GBP1: variants seen among roughly 807,000 people sequenced by gnomAD.
The protein encoded by GBP1 is guanylate-binding protein 1.
GBP1 carries 64 observed loss-of-function variants against 69.5 expected under a neutral mutation model. That is an observed-to-expected ratio of 0.92 (90% CI 0.75 to 1.13). The LOEUF is 1.13. Ranked by LOEUF, GBP1 falls within the 50% of genes most tolerant of loss-of-function variation. The pLI is 0.00. For synonymous variants in GBP1, 250 were observed against 261.2 expected (o/e 0.96, Z 0.41); for missense variants, 630 against 704.1 (o/e 0.89, Z 1.19).
At position 89,056,798 on chromosome 1, in the gene GBP1, T is replaced by C. The variant is rs1680057552; in HGVS notation, c.1155+56A>G. On this transcript the variant is annotated intron_variant, in intron 7 of 10. Coordinates refer to ENST00000370473, the MANE Select transcript of GBP1 (RefSeq NM_002053.3). ...CAAAATAAATAATAGTTTTCTTTCC[T>C]TGTGGTACTTTAGCTTCTATGACCC... The C allele has an allele frequency of 3.9e-6, 6 of 1,544,262 alleles. No homozygotes were observed. In the Admixed American group the frequency reaches 1.1e-4, roughly 30 times the overall value.
intron 6 of GBP1, among the ~76,000 whole-genome samples, chr1:89,057,380 A>G (rs1263813831): frequency 6.6e-6 from 1 of 152,234 alleles, no homozygotes; most frequent in African/African-American, 2.4e-5. Flanking sequence ...GTACTAGATT[A>G]CATAGACTTG....
intron 8 of GBP1, 26 bp downstream of exon 8, chr1:89,055,990 A>G (rs1460405817): frequency 6.2e-7 from 1 of 1,613,768 alleles, no homozygotes; most frequent in Non-Finnish European, 8.5e-7. Context: ...GCAGCTTTCC[A>G]TAATTGACAG....
At chr1:89,060,783 G>T (rs1680158721) in intron 2 of GBP1, among the ~76,000 whole-genome samples, 1 of 152,250 alleles carries the variant, frequency 6.6e-6, no homozygotes, top group African/African-American at 2.4e-5. Flanking sequence ...GTCTGCTGAT[G>T]ATAGTATCTA....
Position 89,060,357 on chromosome 1 carries a change from T to C in GBP1, c.191-33A>G. On this transcript the variant is annotated intron_variant, in intron 2 of 10. Coordinates refer to ENST00000370473, the MANE Select transcript of GBP1 (RefSeq NM_002053.3). The stretch of plus-strand genomic sequence containing the variant: ...GGAGAGAGGAGACCAGCGATGGGGA[T>C]TTAGTAACAGGCAGTTCTGGCAATT... 3 of 1,513,736 alleles carry C rather than the reference T, an allele frequency of 2.0e-6. No individual in the cohort carries two copies. In the South Asian group the frequency reaches 3.9e-5, roughly 20 times the overall value. 93.8% of individuals were successfully genotyped at this position (1,513,736 alleles called of 1,614,324 possible).
rs140889453 is a variant in GBP1 at position 89,053,287 on chromosome 1, C to T, written c.*68G>A. 291 of 1,195,250 alleles carry T rather than the reference C, an allele frequency of 2.4e-4. No homozygotes were observed. The African/African-American group carries it at 3.8e-3, about 16-fold the overall frequency. 74.0% of individuals were successfully genotyped at this position (1,195,250 alleles called of 1,614,324 possible). A position where few individuals can be genotyped will look rare whatever the true frequency, so the allele number is the denominator to read the frequency against. ...ATCTAATTATTATCAAATGTAGTGACGCTTGTTCCAAATTCTAAAATTGTT... is the reference window on the plus strand; with the variant it reads ...ATCTAATTATTATCAAATGTAGTGATGCTTGTTCCAAATTCTAAAATTGTT... On this transcript the variant is annotated 3_prime_UTR_variant, in exon 11 of 11. Coordinates refer to ENST00000370473, the MANE Select transcript of GBP1 (RefSeq NM_002053.3).
Position 89,057,015 on chromosome 1 carries a change from T to C in GBP1, c.994A>G (p.Ile332Val), listed in dbSNP as rs757963839. Residue 332 changes from isoleucine (I) to valine (V), a missense_variant, in exon 7 of 11, where the codon ATT (isoleucine) becomes GTT (valine). Physicochemically the swap from Ile to Val is conservative, Grantham distance 29. Transcript: ENST00000370473. Reference sequence around the variant, plus strand: ...CCCATCTGCTGTTCATAGTGGGCAATAGCCTTTTGCACTGCAGCTGAGTTC... The same window carrying C: ...CCCATCTGCTGTTCATAGTGGGCAACAGCCTTTTGCACTGCAGCTGAGTTC... ...IENSAAVQKA[I>V]AHYEQQMGQK... is the part of the protein sequence containing the mutation. 1.3e-5 allele frequency: 21 copies of C among 1,614,128 alleles called. No individual in the cohort carries two copies. Among genetic ancestry groups the C allele is most frequent in the Non-Finnish European group, 1.8e-5 (21 of 1,180,050 alleles).
chr1:89,062,649 T>G (rs944400900), intron 2 of GBP1: 5 of 166,836 alleles, frequency 3.0e-5, no homozygotes, highest in African/African-American at 1.2e-4. Context: ...ATTTTATTTT[T>G]TTTACAACAA....
In GBP1 at chr1:89,063,085, G is replaced by C. The variant is rs765135882; in HGVS notation, c.150C>G (p.Gly50=). The C allele has an allele frequency of 6.2e-7, 1 of 1,613,918 alleles. No individual in the cohort carries two copies. Among genetic ancestry groups the C allele is most frequent in the South Asian group, 1.1e-5 (1 of 91,088 alleles). ...VVAIVGLYRT[G]KSYLMNKLAG... Reference sequence around the variant, plus strand: ...CCAGCTTGTTCATCAGGTAGGATTTGCCTGTGCGGTAGAGGCCCACAATTG... The same window carrying C: ...CCAGCTTGTTCATCAGGTAGGATTTCCCTGTGCGGTAGAGGCCCACAATTG... The change falls in exon 2 of 11, where the codon GGC becomes GGG. Residue 50 remains glycine (G), a synonymous_variant. Coordinates refer to ENST00000370473, the MANE Select transcript of GBP1 (RefSeq NM_002053.3).
In GBP1 at chr1:89,063,321, AT is replaced by A. The variant is rs1210221961; in HGVS notation, c.-19-69del. The A allele has an allele frequency of 5.6e-6, 8 of 1,436,368 alleles. No individual in the cohort carries two copies. The Admixed American group carries it at 1.4e-4, about 26-fold the overall frequency. 89.0% of individuals were successfully genotyped at this position (1,436,368 alleles called of 1,614,324 possible). A position where few individuals can be genotyped will look rare whatever the true frequency, so the allele number is the denominator to read the frequency against. On this transcript the variant is annotated intron_variant, in intron 1 of 10. Coordinates refer to ENST00000370473, the MANE Select transcript of GBP1 (RefSeq NM_002053.3). The stretch of plus-strand genomic sequence containing the variant: ...TGCAATTATAAGGGAGAATCATAAG[AT>A]TCCCCAGTATGGCCAAAAGTTTTGT...
Position 89,053,301 on chromosome 1 carries a change from T to G in GBP1, c.*54A>C, listed in dbSNP as rs1464223294. On this transcript the variant is annotated 3_prime_UTR_variant, in exon 11 of 11. Transcript: ENST00000370473. ...AAATGTAGTGACGCTTGTTCCAAAT[T>G]CTAAAATTGTTTCAATTATGCCTTG... The G allele has an allele frequency of 4.9e-6, 7 of 1,415,566 alleles. No homozygotes were observed. In the African/African-American group the frequency reaches 5.8e-5, roughly 12 times the overall value. The allele number at this position is 1,415,566 out of a possible 1,614,324, so 87.7% of individuals were successfully genotyped here.
At position 89,057,963 on chromosome 1, in the gene GBP1, T is replaced by C. The variant is rs373065690; in HGVS notation, c.874+29A>G. ...TCTATGCTCCTCTAGTCTTAAACAA[T>C]GAGCAGAAGTACTAGGAAGGGGACT... On this transcript the variant is annotated intron_variant, in intron 6 of 10. Coordinates refer to ENST00000370473, the MANE Select transcript of GBP1 (RefSeq NM_002053.3). The C allele has an allele frequency of 3.1e-6, 5 of 1,589,252 alleles. No individual in the cohort carries two copies. In the African/African-American group the frequency reaches 5.4e-5, roughly 17 times the overall value.
At position 89,059,373 on chromosome 1, in the gene GBP1, G is replaced by A. The variant is rs1680125332; in HGVS notation, c.372C>T (p.Ser124=). 1.9e-6 allele frequency: 3 copies of A among 1,614,112 alleles called. No individual in the cohort carries two copies. Among genetic ancestry groups the A allele is most frequent in the Non-Finnish European group, 2.5e-6 (3 of 1,180,018 alleles). ...WIFALAVLLS[S]TFVYNSIGTI... ...TTCCTATGCTATTGTACACGAAGGT[G>A]CTGCTCAGGAGGACGGCCAGGGCGA... The change falls in exon 4 of 11, where the codon AGC becomes AGT. Residue 124 remains serine, a synonymous_variant. Transcript: ENST00000370473.
chr1:89,061,426 C>T (rs1253282581), intron 2 of GBP1, among the ~76,000 whole-genome samples: 1 of 152,042 alleles, frequency 6.6e-6, no homozygotes, highest in Non-Finnish European at 1.5e-5. Flanking sequence ...AAAGGAGAGT[C>T]TCTTTAACAA....
intron 10 of GBP1, among the ~76,000 whole-genome samples, 194 bp downstream of exon 10, chr1:89,054,488 G>A (rs1276476692): frequency 6.6e-6 from 1 of 152,178 alleles, no homozygotes; most frequent in African/African-American, 2.4e-5. Flanking sequence ...TTACACAACT[G>A]CAAATAAAAA....
chr1:89,064,135 T>C (rs925166047), intron 1 of GBP1, among the ~76,000 whole-genome samples: 1 of 150,380 alleles, frequency 6.6e-6, no homozygotes, highest in Admixed American at 6.7e-5. Context: ...TTTGGTAGGG[T>C]AGGAGAAAGA....
At chr1:89,060,448 C>T (rs997969613) in intron 2 of GBP1, 124 bp from the exon 3 acceptor site, 15 of 776,198 alleles carry the variant, frequency 1.9e-5, no homozygotes, top group Admixed American at 7.7e-5. Context: ...ATTCACCTTA[C>T]GTACTTACAA....
At chr1:89,053,539 A>G in intron 10 of GBP1, 71 bp from the exon 11 acceptor site, 1 of 1,552,282 alleles carries the variant, frequency 6.4e-7, no homozygotes, top group Non-Finnish European at 8.6e-7. Context: ...TCTGGTTTCC[A>G]CATTAAATGA....
intron 1 of GBP1, among the ~76,000 whole-genome samples, chr1:89,064,226 TGTGTGTGTGTGTGTGAGAGAGAGA>T (rs1557752238): frequency 9.0e-6 from 1 of 111,244 alleles, no homozygotes; most frequent in Non-Finnish European, 2.0e-5. Context: ...TGTGTGTGTG[TGTGTGTGTGTGTGTGAGAGAGAGA>T]GAGAGAGAGA....
chr1:89,053,831 A>T (rs1180206767), intron 10 of GBP1, among the ~76,000 whole-genome samples: 1 of 152,182 alleles, frequency 6.6e-6, no homozygotes, highest in African/African-American at 2.4e-5. Flanking sequence ...CTCAAAACAA[A>T]CTGGGAGCAG....
Sources: allele counts gnomAD v4.1 joint callset (sites outside exome capture counted in the v4.1 genomes callset), GRCh38; gene constraint gnomAD v4.1.1; transcripts MANE v1.5; gene names NCBI Gene and HGNC (gene_info 2026-07-23, HGNC 2026-07-21).